RNF212: variants seen among roughly 807,000 people sequenced by gnomAD.
RNF212 encodes the protein ring finger protein 212, also known as probable E3 SUMO-protein ligase RNF212.
RNF212 carries 33 observed loss-of-function variants against 34.7 expected under a neutral mutation model. The ratio of observed to expected loss-of-function variants is 0.95; its 90% CI spans 0.72 to 1.27. RNF212 has a LOEUF of 1.27. RNF212 is among the 50% of genes most tolerant of loss of function. The pLI, the probability that RNF212 is intolerant of heterozygous loss-of-function variation, is 0.00. For missense variants in RNF212, 377 were observed against 362.2 expected (o/e 1.04, Z -0.33); for synonymous variants, 140 against 136.1 (o/e 1.03, Z -0.20).
intron 8 of RNF212, among the ~76,000 whole-genome samples, chr4:1,075,842 T>C (rs1719208568): frequency 6.6e-6 from 1 of 152,072 alleles, no homozygotes; most frequent in African/African-American, 2.4e-5. Context: ...AGCTAATTTT[T>C]TGTAGAGATG....
At chr4:1,065,633 A>G (rs1718042472) in intron 3 of RNF212, among the ~76,000 whole-genome samples, 1 of 151,844 alleles carries the variant, frequency 6.6e-6, no homozygotes, top group Admixed American at 6.6e-5. Flanking sequence ...AGCCTGGATA[A>G]TTTTTTGTAG....
intron 4 of RNF212, among the ~76,000 whole-genome samples, chr4:1,087,233 GGGGTAGGGGAGAGAGGAC>G: frequency 8.1e-4 from 1 of 1,230 alleles, no homozygotes; most frequent in African/African-American, 0.018. Flanking sequence ...GAGAGAGGAC[GGGGTAGGGGAGAGAGGAC>G]GGGGTAGGGG....
In RNF212 at chr4:1,073,604, C is replaced by G. The variant is rs375321823; in HGVS notation, c.569G>C (p.Arg190Pro). The G allele has an allele frequency of 1.1e-5, 18 of 1,599,094 alleles. No homozygotes were observed. The highest frequency in any genetic ancestry group is 1.4e-5 in the Non-Finnish European group (16 of 1,166,660). ...ISMISPPQDG[R>P]MGPHLTASFC... ...TTACAGGACATTTTACTTACCCATT[C>G]GTCCATCTTGAGGTGGACTAATCAT... Residue 190 changes from arginine (R) to proline (P), a missense_variant, in exon 9 of 10, where the codon CGA (arginine) becomes CCA (proline). By Grantham distance (103) the Arg-to-Pro change is moderately radical. Transcript: ENST00000433731.
rs562675797 is a variant in RNF212, at chr4:1,093,720, G to A, written c.247-2882C>T. The stretch of plus-strand genomic sequence containing the variant: ...CTCTGATGTCTGTGATAACAGACAT[G>A]TTTTATGAACTCAAGCAACTTCTGG... On this transcript the variant is annotated intron_variant, in intron 3 of 9. Transcript: ENST00000433731. 11 of 1,536,276 alleles carry A rather than the reference G, an allele frequency of 7.2e-6. No homozygotes were observed. In the East Asian group the frequency reaches 2.0e-4, roughly 27 times the overall value.
intron 2 of RNF212, chr4:1,101,198 C>A: frequency 4.0e-6 from 1 of 247,386 alleles, no homozygotes. Context: ...GACTGGCACT[C>A]ACAGTGCAGT....
intron 7 of RNF212, among the ~76,000 whole-genome samples, chr4:1,080,105 A>T (rs1720084790): frequency 6.6e-6 from 1 of 152,160 alleles, no homozygotes; most frequent in Non-Finnish European, 1.5e-5. Flanking sequence ...GGCCACACAT[A>T]CCACACCGTG....
At chr4:1,082,662 C>T (rs1720540978) in intron 5 of RNF212, among the ~76,000 whole-genome samples, 3 of 152,218 alleles carry the variant, frequency 2.0e-5, no homozygotes, top group Admixed American at 6.5e-5. Context: ...TGTCCCGGCC[C>T]GACATACAAG....
intron 2 of RNF212, chr4:1,100,155 G>A: frequency 6.0e-6 from 2 of 333,878 alleles, no homozygotes; most frequent in Non-Finnish European, 5.9e-6. Context: ...TGCTGCCTGT[G>A]TGGACTTTGC....
rs190927618 is a variant in RNF212, at chr4:1,066,018, T to C, written n.147+7581A>G. Among the ~76,000 whole-genome samples the C allele has an allele frequency of 1.7e-3, 257 of 151,348 alleles. 8 individuals carry two copies. The South Asian group carries it at 0.046, about 27-fold the overall frequency. On this transcript the variant is annotated intron_variant and non_coding_transcript_variant, in intron 3 of 4. Transcript: ENST00000503206. Reference sequence around the variant, plus strand: ...TGTTCCAAGTAGCTAGGACTACAGGTGCGATTTTTTAAATATATAGTAGCC... The same window carrying C: ...TGTTCCAAGTAGCTAGGACTACAGGCGCGATTTTTTAAATATATAGTAGCC...
At chr4:1,057,110 G>T in intron 4 of RNF212, 1 of 433,262 alleles carries the variant, frequency 2.3e-6, no homozygotes, top group Non-Finnish European at 3.1e-6. Flanking sequence ...GGATTCAAAG[G>T]CATCTCTGAG....
At chr4:1,070,345 C>A (rs910800651), downstream of RNF212, among the ~76,000 whole-genome samples, 7 of 137,584 alleles carry the variant, frequency 5.1e-5, no homozygotes, top group African/African-American at 2.0e-4. Context: ...GCCTGAGTTA[C>A]GGGTGGTTTT....
At chr4:1,065,197 A>G (rs568160570) in intron 3 of RNF212, among the ~76,000 whole-genome samples, 11 of 152,186 alleles carry the variant, frequency 7.2e-5, no homozygotes, top group Non-Finnish European at 1.5e-4. Flanking sequence ...TAAGTTTTGG[A>G]GGAAAGGCCA....
chr4:1,106,606 C>T (rs900975534), intron 2 of RNF212, among the ~76,000 whole-genome samples: 5 of 152,166 alleles, frequency 3.3e-5, no homozygotes, highest in African/African-American at 9.7e-5. Context: ...CAGAAAGACA[C>T]GGATGGTCTT....
chr4:1,065,209 ACT>A (rs1271927808), intron 3 of RNF212, among the ~76,000 whole-genome samples: 1 of 152,214 alleles, frequency 6.6e-6, no homozygotes, highest in East Asian at 1.9e-4. Flanking sequence ...GAAAGGCCAC[ACT>A]GTTTTCCACA....
chr4:1,081,673 C>T (rs970610134), intron 5 of RNF212, 54 bp from the exon 6 acceptor site: 3 of 1,233,334 alleles, frequency 2.4e-6, no homozygotes, highest in African/African-American at 3.0e-5. Context: ...GACTTCCCCC[C>T]AGGTCATCCC....
chr4:1,093,349 T>C, intron 3 of RNF212: 1 of 1,132,044 alleles, frequency 8.8e-7, no homozygotes, highest in South Asian at 2.4e-5. Flanking sequence ...AAAATAACAA[T>C]AAATCCATGA....
intron 8 of RNF212, among the ~76,000 whole-genome samples, chr4:1,074,423 AC>A (rs1718947621): frequency 6.6e-6 from 1 of 152,014 alleles, no homozygotes; most frequent in Admixed American, 6.6e-5. Context: ...GACCTCTGCT[AC>A]CCACTTTCCT....
chr4:1,086,024 C>T (rs1326990998), intron 4 of RNF212, 70 bp from the exon 5 acceptor site: 3 of 1,158,320 alleles, frequency 2.6e-6, no homozygotes, highest in Admixed American at 3.4e-5. Context: ...CTCTAAATTT[C>T]TTAAACCTTG....
chr4:1,067,855 G>A (rs1429035312), downstream of RNF212, among the ~76,000 whole-genome samples: 3 of 144,884 alleles, frequency 2.1e-5, no homozygotes, highest in Admixed American at 6.9e-5. Flanking sequence ...GCGACACAGC[G>A]AGACTCTGTC....
Sources: gnomAD v4.1 joint callset for allele counts (sites outside exome capture counted in the v4.1 genomes callset) on GRCh38, gnomAD v4.1.1 for gene constraint, MANE v1.5 for transcripts, NCBI Gene and HGNC (gene_info 2026-07-23, HGNC 2026-07-21) for gene names.